PRKN: variants seen among roughly 807,000 people sequenced by gnomAD.
The protein encoded by PRKN is parkin RBR E3 ubiquitin protein ligase, also known as E3 ubiquitin-protein ligase parkin.
PRKN carries 56 observed loss-of-function variants against 59.5 expected under a neutral mutation model. The ratio of observed to expected loss-of-function variants is 0.94; its 90% CI spans 0.76 to 1.18. PRKN has a LOEUF of 1.18. PRKN is among the 50% of genes most tolerant of loss of function. The pLI is 0.00. For missense variants in PRKN, 657 were observed against 596.4 expected (o/e 1.10, Z -1.06); for synonymous variants, 250 against 222.1 (o/e 1.13, Z -1.12).
At position 162,429,735 on chromosome 6, in the gene PRKN, G is replaced by A. The variant is rs192349257; in HGVS notation, c.171+13575C>T. 3.9e-5 allele frequency among the ~76,000 whole-genome samples: 6 copies of A among 152,218 alleles called. No homozygotes were observed. In the East Asian group the frequency reaches 1.2e-3, roughly 29 times the overall value. On this transcript the variant is annotated intron_variant, in intron 2 of 11. Transcript: ENST00000366898. ...AAATAGAAAGCTCCACAAAAGTGGG[G>A]ACGCACCGGTCCTGCTTACCACTGC...
intron 2 of PRKN, chr6:162,275,457 G>C (rs1331559823): frequency 3.9e-5 from 6 of 152,026 alleles, no homozygotes; most frequent in Non-Finnish European, 8.8e-5. Context: ...CTCTAGCAAT[G>C]AATAAAAATG....
chr6:162,586,309 G>T (rs765200580), intron 1 of PRKN, among the ~76,000 whole-genome samples: 5 of 152,164 alleles, frequency 3.3e-5, no homozygotes, highest in African/African-American at 4.8e-5. Flanking sequence ...CCTGATATTG[G>T]CATCTCCGAA....
intron 7 of PRKN, among the ~76,000 whole-genome samples, chr6:161,657,930 C>T (rs550360653): frequency 1.4e-5 from 2 of 144,634 alleles, no homozygotes; most frequent in Non-Finnish European, 3.0e-5. Context: ...GCAGGAGAAT[C>T]GCTGGAACCC....
intron 2 of PRKN, among the ~76,000 whole-genome samples, chr6:162,328,236 G>A (rs1783398841): frequency 1.4e-5 from 2 of 145,714 alleles, no homozygotes; most frequent in African/African-American, 5.1e-5. Context: ...GTGCACACCT[G>A]TAGTCCTAGC....
chr6:162,017,078 G>A (rs865884540), intron 5 of PRKN, among the ~76,000 whole-genome samples: 1 of 152,178 alleles, frequency 6.6e-6, no homozygotes, highest in Admixed American at 6.6e-5. Flanking sequence ...ATCATAGCAT[G>A]TGGATTAATT....
intron 9 of PRKN, among the ~76,000 whole-genome samples, chr6:161,501,199 A>T (rs1055368755): frequency 6.6e-6 from 1 of 152,190 alleles, no homozygotes. Flanking sequence ...AAACTGCCAG[A>T]CTGTCTTCCA....
chr6:162,504,699 T>C (rs142428239), intron 1 of PRKN, among the ~76,000 whole-genome samples: 1,619 of 152,260 alleles, frequency 0.011, 11 homozygotes, highest in South Asian at 0.033. Flanking sequence ...AAAGAACTGA[T>C]ACATTTGTCC....
At chr6:161,748,416 C>T (rs559705442) in intron 7 of PRKN, among the ~76,000 whole-genome samples, 39 of 151,896 alleles carry the variant, frequency 2.6e-4, no homozygotes, top group African/African-American at 8.5e-4. Flanking sequence ...TATAAACTGC[C>T]CTAAGCTCCC....
intron 3 of PRKN, among the ~76,000 whole-genome samples, chr6:162,224,752 C>G (rs1459654865): frequency 6.6e-6 from 1 of 152,094 alleles, no homozygotes; most frequent in Non-Finnish European, 1.5e-5. Context: ...CCCAGCCACT[C>G]TAGTATTATA....
chr6:161,599,935 A>G (rs1309368958), intron 7 of PRKN, among the ~76,000 whole-genome samples: 1 of 152,244 alleles, frequency 6.6e-6, no homozygotes, highest in East Asian at 1.9e-4. Flanking sequence ...CTGGGTGTCT[A>G]TGATGACAAA....
At chr6:162,717,577 A>G (rs1442717223) in intron 1 of PRKN, among the ~76,000 whole-genome samples, 1 of 151,888 alleles carries the variant, frequency 6.6e-6, no homozygotes. Context: ...AAAAAAAAAA[A>G]AAAAAAAAGT....
At chr6:162,248,968 T>C (rs1779314411) in intron 3 of PRKN, among the ~76,000 whole-genome samples, 1 of 151,978 alleles carries the variant, frequency 6.6e-6, no homozygotes, top group Admixed American at 6.6e-5. Context: ...CACCTCCACC[T>C]TCCAGGTTCA....
chr6:161,585,466 A>T (rs952377391), intron 7 of PRKN, among the ~76,000 whole-genome samples: 2 of 152,250 alleles, frequency 1.3e-5, no homozygotes, highest in Non-Finnish European at 2.9e-5. Context: ...TAGATATGTC[A>T]TACCAAAGAG....
At chr6:161,472,351 A>T (rs532720369) in intron 9 of PRKN, among the ~76,000 whole-genome samples, 1 of 152,184 alleles carries the variant, frequency 6.6e-6, no homozygotes, top group Non-Finnish European at 1.5e-5. Context: ...TCAGCTTGAA[A>T]AGAAAAATGG....
chr6:162,519,346 G>A (rs542341594), intron 1 of PRKN, among the ~76,000 whole-genome samples: 5 of 152,238 alleles, frequency 3.3e-5, no homozygotes, highest in African/African-American at 4.8e-5. Flanking sequence ...TAGCTTGAGC[G>A]CTAGTGTGTC....
rs555823906 is a variant in PRKN at position 161,645,238 on chromosome 6, A to G, written c.872-75822T>C. Among the ~76,000 whole-genome samples the G allele has an allele frequency of 1.1e-4, 14 of 131,552 alleles. No homozygotes were observed. The East Asian group carries it at 2.5e-3, about 24-fold the overall frequency. The allele number at this position is 131,552 out of a possible 152,430, so 86.3% of individuals were successfully genotyped here. On this transcript the variant is annotated intron_variant, in intron 7 of 11. Transcript: ENST00000366898. ...ATCTCAGGACTAATTTCCTCAATAA[A>G]TAGCCAAAAAAAAAAAAAAATGAAT... is the stretch of plus-strand genomic sequence containing the variant.
At chr6:162,021,219 A>G (rs1379800742) in intron 5 of PRKN, among the ~76,000 whole-genome samples, 1 of 142,206 alleles carries the variant, frequency 7.0e-6, no homozygotes, top group Admixed American at 7.1e-5. Context: ...TATAACATCT[A>G]TATACATCAA....
intron 6 of PRKN, among the ~76,000 whole-genome samples, chr6:161,858,878 T>TTTTTTTTTTTTA (rs71004066): frequency 5.5e-5 from 8 of 145,116 alleles, no homozygotes; most frequent in South Asian, 2.3e-4. Flanking sequence ...TTTTTTTTTT[T>TTTTTTTTTTTTA]GAGACAGAGG....
At chr6:161,788,293 C>T (rs1424759414) in intron 6 of PRKN, among the ~76,000 whole-genome samples, 1 of 152,142 alleles carries the variant, frequency 6.6e-6, no homozygotes, top group Admixed American at 6.5e-5. Context: ...ACGTTGGCGG[C>T]CATGGTGTGA....
Sources: gnomAD v4.1 joint callset for allele counts (sites outside exome capture counted in the v4.1 genomes callset) on GRCh38, gnomAD v4.1.1 for gene constraint, MANE v1.5 for transcripts, NCBI Gene and HGNC (gene_info 2026-07-23, HGNC 2026-07-21) for gene names.